The following SREK1 variants were observed in gnomAD, a reference collection of about 807,000 sequenced individuals.
The protein encoded by SREK1 is splicing regulatory glutamic acid and lysine rich protein 1.
Under a neutral mutation model 66.5 loss-of-function variants are expected in SREK1, and 13 were observed. That is an observed-to-expected ratio of 0.20 (90% CI 0.13 to 0.31). The LOEUF is 0.31. SREK1 is among the 10% of genes least tolerant of loss of function. SREK1 has a pLI of 1.00. For missense variants in SREK1, 607 were observed against 769.6 expected (o/e 0.79, Z 2.50); for synonymous variants, 265 against 263.5 (o/e 1.01, Z -0.05).
intron 3 of SREK1, among the ~76,000 whole-genome samples, chr5:66,160,507 TAGTG>T (rs1482685108): frequency 6.6e-6 from 1 of 152,150 alleles, no homozygotes; most frequent in Non-Finnish European, 1.5e-5. Context: ...GGTTGAAGCA[TAGTG>T]AGTGAGGGTC....
chr5:66,153,602 T>A lies in SREK1; in HGVS notation c.295+6T>A. ...AGTTGTTCCTTGTGCAGAAGGTTGG[T>A]ATCTCGCTTTTTTTCCTCTTATTTG... On this transcript the variant is annotated splice_donor_region_variant and intron_variant, in intron 2 of 11. Coordinates refer to ENST00000334121, the MANE Select transcript of SREK1 (RefSeq NM_001077199.3). 6.2e-7 allele frequency: 1 copy of A among 1,613,934 alleles called. No homozygotes were observed. The highest frequency in any genetic ancestry group is 8.5e-7 in the Non-Finnish European group (1 of 1,179,892).
intron 1 of SREK1, among the ~76,000 whole-genome samples, chr5:66,146,475 A>G (rs1187284329): frequency 1.3e-5 from 2 of 152,298 alleles, no homozygotes; most frequent in Middle Eastern, 3.4e-3. Flanking sequence ...AAAGTTCTTC[A>G]CTTAAACATA....
chr5:66,155,687 A>G (rs1372087742), intron 2 of SREK1, among the ~76,000 whole-genome samples: 1 of 152,244 alleles, frequency 6.6e-6, no homozygotes, highest in East Asian at 1.9e-4. Flanking sequence ...AAAAAATTTA[A>G]GAAGTTTTTT....
At chr5:66,164,231 A>G (rs1744989563) in intron 6 of SREK1, 2 of 305,376 alleles carry the variant, frequency 6.5e-6, no homozygotes, top group Non-Finnish European at 1.2e-5. Flanking sequence ...GAGTACATAT[A>G]TTTAAAACGT....
Position 66,150,107 on chromosome 5 carries a change from G to A in SREK1, c.162-3356G>A, listed in dbSNP as rs899282148. 3.9e-5 allele frequency among the ~76,000 whole-genome samples: 6 copies of A among 152,266 alleles called. No homozygotes were observed. In the East Asian group the frequency reaches 7.7e-4, roughly 20 times the overall value. On this transcript the variant is annotated intron_variant, in intron 1 of 11. Transcript: ENST00000334121. ...ATTGATTGATCTAGCTCATTTGGTCGAGCCTGACTTCCAAAATTAGAGGTT... is the reference window on the plus strand; with the variant it reads ...ATTGATTGATCTAGCTCATTTGGTCAAGCCTGACTTCCAAAATTAGAGGTT...
At chr5:66,145,875 T>TA (rs1743149149) in intron 1 of SREK1, among the ~76,000 whole-genome samples, 1 of 151,236 alleles carries the variant, frequency 6.6e-6, no homozygotes, top group Non-Finnish European at 1.5e-5. Flanking sequence ...CGTCCCCTTT[T>TA]AAAGATTCTA....
At chr5:66,153,338 TAAC>T in intron 1 of SREK1, 122 bp from the exon 2 acceptor site, 3 of 1,235,558 alleles carry the variant, frequency 2.4e-6, no homozygotes, top group Non-Finnish European at 3.4e-6. Flanking sequence ...TGATCCTTAA[TAAC>T]AAAAAGTTTT....
At chr5:66,155,648 A>G (rs1159471014) in intron 2 of SREK1, among the ~76,000 whole-genome samples, 2 of 152,266 alleles carry the variant, frequency 1.3e-5, no homozygotes, top group Admixed American at 6.5e-5. Flanking sequence ...AACAAACAGC[A>G]TCATGACATA....
At position 66,182,375 on chromosome 5, in the gene SREK1, G is replaced by T. The variant is rs896732343; in HGVS notation, c.*3507G>T. On this transcript the variant is annotated 3_prime_UTR_variant, in exon 12 of 12. Coordinates refer to ENST00000334121, the MANE Select transcript of SREK1 (RefSeq NM_001077199.3). ...ATGTAATTTTCACTTAAAATTAGAT[G>T]TTTATTTTCAAATTTTAAAAGCTAG... The T allele has an allele frequency of 1.3e-5, 2 of 151,948 alleles. No homozygotes were observed. The highest frequency in any genetic ancestry group is 6.6e-5 in the Admixed American group (1 of 15,256). The allele number at this position is 151,948 out of a possible 1,614,324, so 9.4% of individuals were successfully genotyped here. A position where few individuals can be genotyped will look rare whatever the true frequency, so the allele number is the denominator to read the frequency against.
chr5:66,171,069 T>C, intron 9 of SREK1, 122 bp downstream of exon 9: 1 of 1,198,616 alleles, frequency 8.3e-7, no homozygotes, highest in East Asian at 2.6e-5. Flanking sequence ...TATAAGAACA[T>C]TTTCTCCTAA....
chr5:66,144,367 C>T lies in SREK1; in HGVS notation c.-10C>T, dbSNP rs1194968852. 1.4e-5 allele frequency: 21 copies of T among 1,530,142 alleles called. No homozygotes were observed. The highest frequency in any genetic ancestry group is 1.8e-5 in the Non-Finnish European group (20 of 1,131,736). 94.8% of individuals were successfully genotyped at this position (1,530,142 alleles called of 1,614,324 possible). ...TTGGGGAGCGGGAAGGCAACGGCAG[C>T]GGGATCGGGATGAACAGCGGCGGCG... On this transcript the variant is annotated 5_prime_UTR_variant, in exon 1 of 12. Coordinates refer to ENST00000334121, the MANE Select transcript of SREK1 (RefSeq NM_001077199.3).
chr5:66,177,162 G>A (rs2291697), intron 10 of SREK1, among the ~76,000 whole-genome samples: 18,290 of 152,002 alleles, frequency 0.12, 1,334 homozygotes, highest in Admixed American at 0.22. Flanking sequence ...TTCTCTTTGC[G>A]AAATGAGGCG....
chr5:66,163,885 A>G lies in SREK1; in HGVS notation c.849A>G (p.Arg283=). The G allele has an allele frequency of 6.2e-7, 1 of 1,613,760 alleles. No individual in the cohort carries two copies. The highest frequency in any genetic ancestry group is 8.5e-7 in the Non-Finnish European group (1 of 1,179,688). ...TAGAAGAAGTAATGAAGCGAGTACG[A>G]GAAGCTCAGTCATTTATCTCAGCAG... ...KELEEVMKRV[R]EAQSFISAAI... is the part of the protein sequence containing the mutation. Residue 283 remains arginine (R), a synonymous_variant, in exon 6 of 12, where the codon CGA becomes CGG. Transcript: ENST00000334121.
chr5:66,172,644 C>G (rs1745734288), intron 9 of SREK1, among the ~76,000 whole-genome samples: 1 of 152,084 alleles, frequency 6.6e-6, no homozygotes, highest in African/African-American at 2.4e-5. Context: ...GATCTGCCCT[C>G]CTTGGCCTCC....
chr5:66,164,097 ATC>A, intron 6 of SREK1, 175 bp downstream of exon 6: 3 of 729,988 alleles, frequency 4.1e-6, no homozygotes, highest in Non-Finnish European at 4.2e-6. Flanking sequence ...CCCATATTTT[ATC>A]TCTTTCTGTG....
intron 1 of SREK1, among the ~76,000 whole-genome samples, chr5:66,150,485 C>T (rs1027370570): frequency 2.0e-5 from 3 of 152,054 alleles, no homozygotes; most frequent in African/African-American, 2.4e-5. Flanking sequence ...ATTTCCATGA[C>T]GAGGCAAGAA....
chr5:66,155,496 T>TA (rs1299727556), intron 2 of SREK1, among the ~76,000 whole-genome samples: 8 of 152,170 alleles, frequency 5.3e-5, no homozygotes, highest in African/African-American at 1.9e-4. Flanking sequence ...ATTATTGTAC[T>TA]AAAAAAGATA....
Position 66,144,343 on chromosome 5 carries a change from T to C in SREK1, c.-34T>C. On this transcript the variant is annotated 5_prime_UTR_variant, in exon 1 of 12. Transcript: ENST00000334121. ...TCCGTCGCTGACGCGTCGTAGACGT[T>C]GGGGAGCGGGAAGGCAACGGCAGCG... The C allele has an allele frequency of 6.7e-7, 1 of 1,492,722 alleles. No homozygotes were observed. The highest frequency in any genetic ancestry group is 9.1e-7 in the Non-Finnish European group (1 of 1,101,882). The allele number at this position is 1,492,722 out of a possible 1,614,324, so 92.5% of individuals were successfully genotyped here.
intron 10 of SREK1, among the ~76,000 whole-genome samples, chr5:66,177,125 C>G (rs538417530): frequency 1.3e-5 from 2 of 152,244 alleles, no homozygotes; most frequent in East Asian, 3.9e-4. Context: ...GTGTAATTGA[C>G]CAATCATTTG....
Sources: gnomAD v4.1 joint callset for allele counts (sites outside exome capture counted in the v4.1 genomes callset) on GRCh38, gnomAD v4.1.1 for gene constraint, MANE v1.5 for transcripts, NCBI Gene and HGNC (gene_info 2026-07-23, HGNC 2026-07-21) for gene names.